COG6: variants seen among roughly 807,000 people sequenced by gnomAD.
COG6 encodes the protein component of oligomeric golgi complex 6.
COG6 carries 74 observed loss-of-function variants against 88.8 expected under a neutral mutation model. The observed-to-expected ratio is 0.83, with a 90% CI of 0.69 to 1.01. The LOEUF (loss-of-function observed/expected upper bound fraction) is 1.01. COG6 is among the 50% of genes least tolerant of loss of function. COG6 has a pLI of 0.00. For missense variants in COG6, 800 were observed against 797.9 expected (o/e 1.00, Z -0.03); for synonymous variants, 286 against 278.7 (o/e 1.03, Z -0.26).
At chr13:39,672,862 A>G (rs1033559848) in intron 4 of COG6, among the ~76,000 whole-genome samples, 1 of 152,066 alleles carries the variant, frequency 6.6e-6, no homozygotes, top group Admixed American at 6.6e-5. Context: ...TTCCAAAAGC[A>G]GCATATGAGG....
intron 13 of COG6, among the ~76,000 whole-genome samples, chr13:39,710,703 T>C (rs1427395889): frequency 6.6e-6 from 1 of 152,186 alleles, no homozygotes; most frequent in Admixed American, 6.5e-5. Flanking sequence ...CATTAATGCT[T>C]AAATACCCCC....
chr13:39,696,523 C>T (rs1031616201), intron 12 of COG6, among the ~76,000 whole-genome samples: 3 of 151,524 alleles, frequency 2.0e-5, no homozygotes, highest in Admixed American at 6.6e-5. Context: ...AGAAGAGTGT[C>T]CAGGACAAAA....
At chr13:39,765,775 G>A (rs1243191857) in intron 18 of COG6, among the ~76,000 whole-genome samples, 3 of 152,016 alleles carry the variant, frequency 2.0e-5, no homozygotes, top group Non-Finnish European at 4.4e-5. Flanking sequence ...AATAGCCTAA[G>A]GTTTCATAGA....
intron 18 of COG6, among the ~76,000 whole-genome samples, chr13:39,744,029 A>G (rs1880198424): frequency 6.6e-6 from 1 of 152,192 alleles, no homozygotes; most frequent in Admixed American, 6.5e-5. Context: ...TAAACGCAGA[A>G]AGGGCCTTCG....
At chr13:39,700,426 A>C (rs1009045143) in intron 13 of COG6, among the ~76,000 whole-genome samples, 19 of 151,884 alleles carry the variant, frequency 1.3e-4, no homozygotes, top group Non-Finnish European at 2.8e-4. Flanking sequence ...TTCCTGACCC[A>C]CATGCATGAC....
At chr13:39,741,877 G>C (rs1880062437) in intron 18 of COG6, among the ~76,000 whole-genome samples, 1 of 152,088 alleles carries the variant, frequency 6.6e-6, no homozygotes, top group Non-Finnish European at 1.5e-5. Flanking sequence ...ACCCACAAAG[G>C]GAAGCCCATC....
chr13:39,735,214 A>G (rs1440690186), intron 18 of COG6, among the ~76,000 whole-genome samples: 1 of 148,746 alleles, frequency 6.7e-6, no homozygotes, highest in Non-Finnish European at 1.5e-5. Flanking sequence ...AGTGAAGGTG[A>G]TTTTCTCTGG....
chr13:39,659,479 T>C lies in COG6; in HGVS notation c.269T>C (p.Phe90Ser). 6.2e-7 allele frequency: 1 copy of C among 1,613,500 alleles called. No individual in the cohort carries two copies. Among genetic ancestry groups the C allele is most frequent in the Non-Finnish European group, 8.5e-7 (1 of 1,179,708 alleles). The stretch of plus-strand genomic sequence containing the variant: ...AAAAGTTTAGCCATCAATGAAGAAT[T>C]TGTAAGCATTTTCAAGGAAGTGAAG... ...ERKSLAINEE[F>S]VSIFKEVKEE... Residue 90 changes from phenylalanine (F) to serine (S), a missense_variant, in exon 2 of 19, where the codon TTT becomes TCT. Transcript: ENST00000455146.
At chr13:39,777,479 T>A (rs552825476) in intron 18 of COG6, among the ~76,000 whole-genome samples, 1 of 151,642 alleles carries the variant, frequency 6.6e-6, no homozygotes, top group Non-Finnish European at 1.5e-5. Context: ...AATGTGAGAG[T>A]TGTTGGAAGA....
chr13:39,678,064 A>G (rs1297893697), intron 5 of COG6: 1 of 448,644 alleles, frequency 2.2e-6, no homozygotes, highest in South Asian at 1.6e-5. Context: ...CACATTTTCT[A>G]TTTTCTTTTC....
At chr13:39,756,448 G>C (rs938266001), downstream of COG6, among the ~76,000 whole-genome samples, 3 of 152,116 alleles carry the variant, frequency 2.0e-5, no homozygotes, top group Non-Finnish European at 2.9e-5. Context: ...AAAAGAGAAA[G>C]AGTCTGAAAG....
chr13:39,707,123 A>G (rs1319794092), intron 13 of COG6, among the ~76,000 whole-genome samples: 1 of 151,356 alleles, frequency 6.6e-6, no homozygotes, highest in African/African-American at 2.4e-5. Context: ...AGAAGAACAA[A>G]TGAGCTCACT....
At chr13:39,748,798 A>G (rs760328387) in intron 18 of COG6, among the ~76,000 whole-genome samples, 1 of 152,146 alleles carries the variant, frequency 6.6e-6, no homozygotes. Flanking sequence ...AAGCTTTAGC[A>G]ATTTTTGGAA....
chr13:39,661,522 G>A (rs898799518), intron 3 of COG6, among the ~76,000 whole-genome samples: 10 of 152,248 alleles, frequency 6.6e-5, no homozygotes, highest in Admixed American at 1.3e-4. Context: ...AATCATTAAT[G>A]CATATTCTAC....
intron 16 of COG6, among the ~76,000 whole-genome samples, 173 bp downstream of exon 16, chr13:39,723,613 A>G (rs1158127585): frequency 6.6e-6 from 1 of 152,036 alleles, no homozygotes; most frequent in African/African-American, 2.4e-5. Flanking sequence ...TAATAATAGT[A>G]TCTGTGTCAT....
downstream of COG6, among the ~76,000 whole-genome samples, chr13:39,756,997 C>T (rs915400812): frequency 1.3e-5 from 2 of 152,154 alleles, no homozygotes; most frequent in South Asian, 4.1e-4. Context: ...ATCCCATAGA[C>T]ATCAGTGGAA....
At chr13:39,787,654 C>T (rs1360683603) in intron 18 of COG6, among the ~76,000 whole-genome samples, 1 of 152,126 alleles carries the variant, frequency 6.6e-6, no homozygotes, top group Non-Finnish European at 1.5e-5. Context: ...AACACACACA[C>T]ACAATCAGTT....
intron 18 of COG6, among the ~76,000 whole-genome samples, chr13:39,732,256 A>G (rs1462765246): frequency 6.6e-6 from 1 of 152,212 alleles, no homozygotes; most frequent in Non-Finnish European, 1.5e-5. Flanking sequence ...TAAGCTTAAA[A>G]TCAAGCCTCT....
intron 13 of COG6, among the ~76,000 whole-genome samples, chr13:39,703,301 A>T (rs1877688768): frequency 6.6e-6 from 1 of 152,132 alleles, no homozygotes; most frequent in Admixed American, 6.6e-5. Flanking sequence ...TGACGAGCAA[A>T]AGCGACATTT....
Sources: allele counts gnomAD v4.1 joint callset (sites outside exome capture counted in the v4.1 genomes callset), GRCh38; gene constraint gnomAD v4.1.1; transcripts MANE v1.5; gene names NCBI Gene and HGNC (gene_info 2026-07-23, HGNC 2026-07-21).